The following CLYBL variants were observed in gnomAD, a reference collection of about 807,000 sequenced individuals.
CLYBL encodes the protein citramalyl-CoA lyase.
In CLYBL, 31 loss-of-function variants were observed where a neutral mutation model predicts 38.9. The ratio of observed to expected loss-of-function variants is 0.80; its 90% confidence interval spans 0.60 to 1.08. The LOEUF is 1.08. CLYBL is among the 50% of genes least tolerant of loss of function. The pLI, the probability that CLYBL is intolerant of heterozygous loss-of-function variation, is 0.00. For synonymous variants in CLYBL, 171 were observed against 158.6 expected, an observed-to-expected ratio of 1.08 and a Z score of -0.59; for missense variants, 434 against 411.6, an observed-to-expected ratio of 1.05 and a Z score of -0.47.
chr13:99,606,874 C>T (rs1019757262), intron 1 of CLYBL, 117 bp downstream of exon 1: 69 of 1,272,314 alleles, frequency 5.4e-5, no homozygotes, highest in Non-Finnish European at 6.6e-5. Flanking sequence ...CCCAGCCGGA[C>T]GGAAGCACCA....
intron 1 of CLYBL, among the ~76,000 whole-genome samples, chr13:99,685,722 G>A (rs1178993975): frequency 6.6e-6 from 1 of 152,184 alleles, no homozygotes; most frequent in Non-Finnish European, 1.5e-5. Context: ...AGCACTTTGG[G>A]AGGCCAAGGT....
intron 1 of CLYBL, among the ~76,000 whole-genome samples, chr13:99,771,525 G>A (rs182043319): frequency 7.2e-5 from 11 of 152,200 alleles, no homozygotes; most frequent in Admixed American, 5.2e-4. Context: ...CATTTTCACC[G>A]GGCCCCGCAA....
intron 7 of CLYBL, among the ~76,000 whole-genome samples, chr13:99,885,420 G>C (rs571251366): frequency 1.1e-4 from 16 of 152,252 alleles, no homozygotes; most frequent in Admixed American, 3.9e-4. Flanking sequence ...TGAGGCTGAG[G>C]GGGGAGGGTC....
At chr13:99,666,695 C>T (rs918604179) in intron 1 of CLYBL, among the ~76,000 whole-genome samples, 2 of 151,260 alleles carry the variant, frequency 1.3e-5, no homozygotes, top group East Asian at 3.9e-4. Flanking sequence ...TTTCATTATG[C>T]ACACATGGTA....
Position 99,699,821 on chromosome 13 carries a change from G to A in CLYBL, c.63-73003G>A, listed in dbSNP as rs1324298759. On this transcript the variant is annotated intron_variant, in intron 1 of 8. Transcript: ENST00000339105. The stretch of plus-strand genomic sequence containing the variant: ...ATCCTGGCTAACAAGGTGAAACCCC[G>A]TCTCTACTAAAAATACAAAAAAATT... Among the ~76,000 whole-genome samples, 7 of 150,850 alleles carry A rather than the reference G, an allele frequency of 4.6e-5. No individual in the cohort carries two copies. In the South Asian group the frequency reaches 1.3e-3, roughly 27 times the overall value.
intron 2 of CLYBL, among the ~76,000 whole-genome samples, chr13:99,824,426 A>G (rs181759040): frequency 6.6e-6 from 1 of 152,332 alleles, no homozygotes; most frequent in East Asian, 1.9e-4. Context: ...GATTGAAACA[A>G]TTACAGAATA....
chr13:99,833,003 C>T (rs61276656), intron 2 of CLYBL, among the ~76,000 whole-genome samples: 35,808 of 70,386 alleles, frequency 0.51, 9,625 homozygotes, highest in Middle Eastern at 0.58. Context: ...TACATACATA[C>T]ATACATATAT....
chr13:99,887,369 T>G (rs574884481), intron 7 of CLYBL, among the ~76,000 whole-genome samples: 2 of 152,334 alleles, frequency 1.3e-5, no homozygotes, highest in East Asian at 3.9e-4. Flanking sequence ...TATTATATCT[T>G]TACTAACTGC....
Position 99,781,218 on chromosome 13 carries a change from T to G in CLYBL, c.249+8208T>G, listed in dbSNP as rs535276565. 6.6e-5 allele frequency among the ~76,000 whole-genome samples: 10 copies of G among 152,098 alleles called. No individual in the cohort carries two copies. The East Asian group carries it at 1.9e-3, about 29-fold the overall frequency. ...CGGAGTCTCGCTGTGTCACGCAGGCTGGAGTGCAGTGGTGCGATCTTGGCT... is the reference window on the plus strand; with the variant it reads ...CGGAGTCTCGCTGTGTCACGCAGGCGGGAGTGCAGTGGTGCGATCTTGGCT... On this transcript the variant is annotated intron_variant, in intron 2 of 8. Coordinates refer to ENST00000339105, the MANE Select transcript of CLYBL (RefSeq NM_206808.5).
intron 2 of CLYBL, among the ~76,000 whole-genome samples, chr13:99,785,787 AG>A (rs1246008066): frequency 2.0e-5 from 3 of 151,892 alleles, no homozygotes; most frequent in Non-Finnish European, 4.4e-5. Context: ...TAGTAGAGAC[AG>A]GGTTTCACCA....
chr13:99,833,361 C>T (rs1475491148), intron 2 of CLYBL, among the ~76,000 whole-genome samples: 1 of 151,656 alleles, frequency 6.6e-6, no homozygotes, highest in African/African-American at 2.4e-5. Flanking sequence ...ATTTTTATTC[C>T]ACCAATTCTT....
chr13:99,841,304 A>G (rs1287787156), intron 2 of CLYBL, among the ~76,000 whole-genome samples: 1 of 152,246 alleles, frequency 6.6e-6, no homozygotes, highest in Non-Finnish European at 1.5e-5. Flanking sequence ...TAGGAGAGAA[A>G]AAGTAATACG....
intron 7 of CLYBL, among the ~76,000 whole-genome samples, chr13:99,888,680 C>T (rs1357766459): frequency 1.3e-5 from 2 of 152,016 alleles, no homozygotes; most frequent in Non-Finnish European, 2.9e-5. Flanking sequence ...ACCCGGGAGG[C>T]GGAGGTTGCA....
At chr13:99,821,403 C>T (rs2050585333) in intron 2 of CLYBL, among the ~76,000 whole-genome samples, 3 of 152,184 alleles carry the variant, frequency 2.0e-5, no homozygotes, top group African/African-American at 7.2e-5. Context: ...CACCAATGAA[C>T]AGATGTGTCA....
chr13:99,784,573 G>T (rs2049743064), intron 2 of CLYBL, among the ~76,000 whole-genome samples: 1 of 149,032 alleles, frequency 6.7e-6, no homozygotes, highest in African/African-American at 2.5e-5. Flanking sequence ...TCGTGCCTCA[G>T]CCTCCCGAGT....
chr13:99,887,238 T>TA (rs1555325545), intron 7 of CLYBL, among the ~76,000 whole-genome samples: 1 of 151,164 alleles, frequency 6.6e-6, no homozygotes, highest in Non-Finnish European at 1.5e-5. Context: ...TTTTAACAAG[T>TA]CCCCCCCGCC....
At chr13:99,707,535 G>A (rs557509924) in intron 1 of CLYBL, among the ~76,000 whole-genome samples, 48 of 152,232 alleles carry the variant, frequency 3.2e-4, no homozygotes, top group African/African-American at 1.2e-3. Flanking sequence ...GCCTCCCAAA[G>A]TGCTGGGATT....
intron 1 of CLYBL, among the ~76,000 whole-genome samples, chr13:99,609,589 T>G (rs760845712): frequency 1.2e-4 from 18 of 152,292 alleles, no homozygotes; most frequent in Admixed American, 5.2e-4. Context: ...CAGGCTGGAG[T>G]GCAGTGGTGC....
At chr13:99,896,669 C>G (rs1049720265), downstream of CLYBL, 3 of 152,240 alleles carry the variant, frequency 2.0e-5, no homozygotes, top group Admixed American at 2.0e-4. Flanking sequence ...CCACTTTGTT[C>G]AATCACAGTA....
Sources: allele counts gnomAD v4.1 joint callset (sites outside exome capture counted in the v4.1 genomes callset), GRCh38; gene constraint gnomAD v4.1.1; transcripts MANE v1.5; gene names NCBI Gene and HGNC (gene_info 2026-07-23, HGNC 2026-07-21).